The following CENPS variants were observed in gnomAD, a reference collection of about 807,000 sequenced individuals.
CENPS encodes the protein FANCM associated histone fold protein 1.
CENPS carries 16 observed loss-of-function variants against 17.9 expected under a neutral mutation model. That is an observed-to-expected ratio of 0.90 (90% CI 0.61 to 1.36). CENPS has a LOEUF of 1.36. CENPS is among the 40% of genes most tolerant of loss of function. The pLI is 0.00. For missense variants in CENPS, 160 were observed against 158.6 expected, an observed-to-expected ratio of 1.01 and a Z score of -0.05; for synonymous variants, 49 against 55.8, an observed-to-expected ratio of 0.88 and a Z score of 0.54.
At chr1:10,441,668 C>T (rs1640419804) in intron 4 of CENPS, among the ~76,000 whole-genome samples, 1 of 138,822 alleles carries the variant, frequency 7.2e-6, no homozygotes, top group African/African-American at 2.7e-5. Context: ...CTCTGTGGCC[C>T]AGGCTGGAGT....
intron 3 of CENPS, among the ~76,000 whole-genome samples, chr1:10,439,869 C>T (rs995721796): frequency 4.6e-5 from 7 of 152,126 alleles, no homozygotes; most frequent in African/African-American, 1.7e-4. Flanking sequence ...TTAAGTTAGC[C>T]CTTGGAGAAC....
At chr1:10,436,709 A>T (rs1228286628) in intron 3 of CENPS, among the ~76,000 whole-genome samples, 44 of 39,582 alleles carry the variant, frequency 1.1e-3, no homozygotes, top group African/African-American at 3.6e-3. Context: ...CTGTCTCTTT[A>T]AAAAAAAAAA....
intron 1 of CENPS, among the ~76,000 whole-genome samples, chr1:10,432,672 C>T (rs1435198783): frequency 6.6e-6 from 1 of 151,950 alleles, no homozygotes; most frequent in African/African-American, 2.4e-5. Context: ...GAGAAAAATT[C>T]CTGGAGCCAA....
Position 10,430,610 on chromosome 1 carries a change from C to T in CENPS, c.51+42C>T, listed in dbSNP as rs926562031. The T allele has an allele frequency of 3.9e-6, 6 of 1,524,352 alleles. No homozygotes were observed. The Middle Eastern group carries it at 9.0e-4, about 230-fold the overall frequency. The allele number at this position is 1,524,352 out of a possible 1,614,324, so 94.4% of individuals were successfully genotyped here. A position where few individuals can be genotyped will look rare whatever the true frequency, so the allele number is the denominator to read the frequency against. On this transcript the variant is annotated intron_variant, in intron 1 of 4. Coordinates refer to ENST00000309048, the MANE Select transcript of CENPS (RefSeq NM_199294.3). Reference sequence around the variant, plus strand: ...GTCGGGCTGGGCTGGGGCAGGACGGCGTCGAGTTTCTGGACAGAAAAGTAC... The same window carrying T: ...GTCGGGCTGGGCTGGGGCAGGACGGTGTCGAGTTTCTGGACAGAAAAGTAC...
chr1:10,434,783 T>G (rs1640073412), intron 3 of CENPS, 93 bp downstream of exon 3: 1 of 1,463,334 alleles, frequency 6.8e-7, no homozygotes, highest in African/African-American at 1.5e-5. Flanking sequence ...CTTTAGCTAT[T>G]CAGTTTTCCG....
chr1:10,438,224 A>G (rs936746096), intron 3 of CENPS, among the ~76,000 whole-genome samples: 2 of 150,796 alleles, frequency 1.3e-5, no homozygotes, highest in African/African-American at 4.9e-5. Context: ...GGCTCACTGC[A>G]GTCTCCGTCT....
chr1:10,431,302 C>T, intron 1 of CENPS: 1 of 1,535,226 alleles, frequency 6.5e-7, no homozygotes, highest in Non-Finnish European at 8.7e-7. Flanking sequence ...GAGCTCCAGA[C>T]GCGGGAGTTT....
chr1:10,434,422 G>A (rs573323191), intron 2 of CENPS, among the ~76,000 whole-genome samples: 1 of 152,300 alleles, frequency 6.6e-6, no homozygotes, highest in African/African-American at 2.4e-5. Flanking sequence ...ATTAACGGAA[G>A]ACTTGCCATG....
chr1:10,432,244 C>T (rs747144905), intron 1 of CENPS, among the ~76,000 whole-genome samples: 15 of 152,238 alleles, frequency 9.9e-5, no homozygotes, highest in East Asian at 3.9e-4. Context: ...CCTGCCACCA[C>T]GCCCAGCTAA....
intron 1 of CENPS, among the ~76,000 whole-genome samples, chr1:10,433,546 A>G (rs1640016910): frequency 6.6e-6 from 1 of 152,092 alleles, no homozygotes; most frequent in South Asian, 2.1e-4. Context: ...AGTGAGTGAA[A>G]CCACTCAGGG....
At position 10,433,874 on chromosome 1, in the gene CENPS, T is replaced by A. The variant is rs759248891; in HGVS notation, c.84T>A (p.Gly28=). ...RLKAAVHYTV[G]CLCEEVALDK... is the part of the protein sequence containing the mutation. ...AGGCAGCAGTTCACTATACTGTGGG[T>A]TGTCTTTGCGAGGAAGTTGCATTGG... Residue 28 remains glycine (G), a synonymous_variant, in exon 2 of 5, where the codon GGT becomes GGA. Coordinates refer to ENST00000309048, the MANE Select transcript of CENPS (RefSeq NM_199294.3). 3.1e-6 allele frequency: 5 copies of A among 1,614,218 alleles called. No homozygotes were observed. The highest frequency in any genetic ancestry group is 4.2e-6 in the Non-Finnish European group (5 of 1,180,034).
chr1:10,440,646 T>G (rs1640367491), intron 4 of CENPS, among the ~76,000 whole-genome samples: 1 of 152,222 alleles, frequency 6.6e-6, no homozygotes, highest in South Asian at 2.1e-4. Context: ...ATTTGCCTGT[T>G]TTTGTAATAC....
chr1:10,432,403 CAG>C (rs1639961113), intron 1 of CENPS, among the ~76,000 whole-genome samples: 1 of 152,172 alleles, frequency 6.6e-6, no homozygotes, highest in South Asian at 2.1e-4. Context: ...GTCCCTAGAA[CAG>C]AGCCTGGCTC....
At chr1:10,431,173 C>T (rs1639895658) in intron 1 of CENPS, 2 of 1,465,632 alleles carry the variant, frequency 1.4e-6, no homozygotes, top group African/African-American at 1.4e-5. Context: ...CCCATTCGTT[C>T]CTTTCATCAG....
intron 1 of CENPS, chr1:10,431,001 C>G (rs933322920): frequency 1.5e-6 from 2 of 1,291,552 alleles, no homozygotes; most frequent in African/African-American, 1.5e-5. Flanking sequence ...GTTACTGATG[C>G]AGGGACGCGG....
chr1:10,434,033 C>T (rs1296781133), intron 2 of CENPS, 68 bp downstream of exon 2: 1 of 1,602,670 alleles, frequency 6.2e-7, no homozygotes, highest in South Asian at 1.1e-5. Context: ...GGGAGCAGTG[C>T]GTGGGTGGGA....
chr1:10,442,515 A>AT lies in CENPS; in HGVS notation c.*111dup. On this transcript the variant is annotated 3_prime_UTR_variant, in exon 5 of 5. Coordinates refer to ENST00000309048, the MANE Select transcript of CENPS (RefSeq NM_199294.3). ...TTAAATAGAGATTTAAAAAAATAAA[A>AT]TAAAAAGGCTGGGCTAGGGTGCTTT... 7.4e-7 allele frequency: 1 copy of AT among 1,355,280 alleles called. No individual in the cohort carries two copies. Among genetic ancestry groups the AT allele is most frequent in the Non-Finnish European group, 9.5e-7 (1 of 1,052,188 alleles). 84.0% of individuals were successfully genotyped at this position (1,355,280 alleles called of 1,614,324 possible).
intron 3 of CENPS, among the ~76,000 whole-genome samples, chr1:10,438,834 A>G (rs1371403366): frequency 3.9e-5 from 6 of 152,170 alleles, no homozygotes; most frequent in Non-Finnish European, 8.8e-5. Context: ...CATTGTGCTT[A>G]TTCCTTTTAC....
chr1:10,431,867 A>AAAG (rs1639934932), intron 1 of CENPS, among the ~76,000 whole-genome samples: 1 of 151,508 alleles, frequency 6.6e-6, no homozygotes, highest in East Asian at 1.9e-4. Flanking sequence ...AAAAAAAAAA[A>AAAG]AAAAGGCATT....
Sources: gnomAD v4.1 joint callset for allele counts (sites outside exome capture counted in the v4.1 genomes callset) on GRCh38, gnomAD v4.1.1 for gene constraint, MANE v1.5 for transcripts, NCBI Gene and HGNC (gene_info 2026-07-23, HGNC 2026-07-21) for gene names.